Variants in LRRC4C observed in about 807,000 individuals in gnomAD.
LRRC4C encodes leucine-rich repeat-containing protein 4C.
Under a neutral mutation model 33.6 loss-of-function variants are expected in LRRC4C, and 5 were observed. That is an observed-to-expected ratio of 0.15 (90% CI 0.08 to 0.31). The LOEUF (loss-of-function observed/expected upper bound fraction) is 0.31. Among genes scored for constraint, LRRC4C ranks in the 10% least tolerant of loss-of-function variants. LRRC4C has a pLI of 1.00. For missense variants in LRRC4C, 560 were observed against 796.7 expected (o/e 0.70, Z 3.58); for synonymous variants, 329 against 302.0 (o/e 1.09, Z -0.93).
intron 2 of LRRC4C, among the ~76,000 whole-genome samples, chr11:40,721,973 A>C (rs996255692): frequency 2.6e-4 from 40 of 152,144 alleles, no homozygotes; most frequent in African/African-American, 9.7e-4. Flanking sequence ...ATAAAGATTG[A>C]AACCATGATA....
At chr11:41,420,518 C>A (rs1373956113) in intron 1 of LRRC4C, among the ~76,000 whole-genome samples, 1 of 152,012 alleles carries the variant, frequency 6.6e-6, no homozygotes, top group African/African-American at 2.4e-5. Flanking sequence ...AAGAACAAAG[C>A]ATACATTGCT....
chr11:40,765,239 A>T (rs988649550), intron 2 of LRRC4C, among the ~76,000 whole-genome samples: 9 of 152,172 alleles, frequency 5.9e-5, no homozygotes, highest in South Asian at 4.2e-4. Flanking sequence ...CATTGGTGCC[A>T]CTCTTGTAAT....
chr11:40,806,720 T>C (rs1340100345), intron 2 of LRRC4C, among the ~76,000 whole-genome samples: 1 of 152,226 alleles, frequency 6.6e-6, no homozygotes, highest in Non-Finnish European at 1.5e-5. Context: ...TATTTTGACT[T>C]AGAATATTTT....
rs114395803 is a variant in LRRC4C at position 41,058,770 on chromosome 11, C to T, written c.-495-125047G>A. ...GAAACATGCACATATATGTTCATCACATCACTATTCATAATAACAAAGACA... is the reference window on the plus strand; with the variant it reads ...GAAACATGCACATATATGTTCATCATATCACTATTCATAATAACAAAGACA... On this transcript the variant is annotated intron_variant, in intron 1 of 6. Transcript: ENST00000528697. 9.8e-3 allele frequency among the ~76,000 whole-genome samples: 1,490 copies of T among 152,282 alleles called. 24 individuals are homozygous for T. The highest frequency in any genetic ancestry group is 0.034 in the African/African-American group (1,424 of 41,552).
intron 2 of LRRC4C, among the ~76,000 whole-genome samples, chr11:40,857,207 T>C (rs1953832526): frequency 6.6e-6 from 1 of 152,182 alleles, no homozygotes. Flanking sequence ...TTTTTAAAAA[T>C]TTAATTTCAA....
Position 40,241,550 on chromosome 11 carries a change from G to A in LRRC4C, c.-127C>T, listed in dbSNP as rs1865925803. 6.6e-6 allele frequency: 1 copy of A among 152,094 alleles called. No homozygotes were observed. Among genetic ancestry groups the A allele is most frequent in the Non-Finnish European group, 1.5e-5 (1 of 68,016 alleles). 9.4% of individuals were successfully genotyped at this position (152,094 alleles called of 1,614,324 possible). A position where few individuals can be genotyped will look rare whatever the true frequency, so the allele number is the denominator to read the frequency against. ...TTCCACTGTTGTCTGTCACTGTCTA[G>A]CTGAGTAACTCTGGCCAGTCCCTTC... On this transcript the variant is annotated 5_prime_UTR_variant, in exon 5 of 7. Coordinates refer to ENST00000528697, the MANE Select transcript of LRRC4C (RefSeq NM_001258419.2).
chr11:40,388,007 C>A (rs1033104533), intron 3 of LRRC4C, among the ~76,000 whole-genome samples: 1 of 152,036 alleles, frequency 6.6e-6, no homozygotes, highest in Non-Finnish European at 1.5e-5. Flanking sequence ...TATAGAAGCT[C>A]GTAAAAATAT....
chr11:40,229,462 G>A (rs1314932109), intron 5 of LRRC4C, among the ~76,000 whole-genome samples: 2 of 151,934 alleles, frequency 1.3e-5, no homozygotes, highest in South Asian at 2.1e-4. Flanking sequence ...TAGTAGAAAC[G>A]GGGTTTTACC....
At chr11:40,601,898 A>G (rs1465578561) in intron 3 of LRRC4C, among the ~76,000 whole-genome samples, 2 of 152,120 alleles carry the variant, frequency 1.3e-5, no homozygotes, top group African/African-American at 4.8e-5. Flanking sequence ...CAAAATAAAT[A>G]TTAATAACTG....
intron 3 of LRRC4C, among the ~76,000 whole-genome samples, chr11:40,643,763 G>A (rs186048490): frequency 1.3e-5 from 2 of 152,160 alleles, no homozygotes; most frequent in East Asian, 3.9e-4. Context: ...GTAATAAAGA[G>A]CCCCTGCCCA....
intron 3 of LRRC4C, among the ~76,000 whole-genome samples, chr11:40,443,399 T>C (rs985451843): frequency 5.9e-5 from 9 of 152,214 alleles, no homozygotes; most frequent in African/African-American, 2.2e-4. Context: ...ACTTTTGAAT[T>C]ACCAAATTCC....
chr11:40,584,383 T>A (rs1440303718), intron 3 of LRRC4C, among the ~76,000 whole-genome samples: 1 of 151,398 alleles, frequency 6.6e-6, no homozygotes, highest in Non-Finnish European at 1.5e-5. Context: ...TGCCCCAAAT[T>A]GAGAATCACT....
intron 1 of LRRC4C, among the ~76,000 whole-genome samples, chr11:41,090,776 AGGCAGTTATCCCT>A (rs1411213205): frequency 6.6e-6 from 1 of 152,086 alleles, no homozygotes; most frequent in African/African-American, 2.4e-5. Flanking sequence ...GGGTTTTATA[AGGCAGTTATCCCT>A]GCTCTTACTA....
At chr11:40,234,285 G>A (rs1314409781) in intron 5 of LRRC4C, among the ~76,000 whole-genome samples, 1 of 152,152 alleles carries the variant, frequency 6.6e-6, no homozygotes, top group Non-Finnish European at 1.5e-5. Flanking sequence ...GTCTTGTAAG[G>A]TACGTATTAT....
At chr11:40,206,481 A>G (rs904504566) in intron 5 of LRRC4C, among the ~76,000 whole-genome samples, 6 of 152,022 alleles carry the variant, frequency 3.9e-5, no homozygotes, top group African/African-American at 7.3e-5. Flanking sequence ...ACCTTAAATG[A>G]TCCACCTGCC....
At chr11:41,144,580 C>A (rs778058669) in intron 1 of LRRC4C, among the ~76,000 whole-genome samples, 5 of 152,114 alleles carry the variant, frequency 3.3e-5, no homozygotes, top group South Asian at 2.1e-4. Flanking sequence ...TGCTTTAATG[C>A]ATGCTCATTG....
chr11:40,128,445 C>T (rs2134764187), intron 6 of LRRC4C, among the ~76,000 whole-genome samples: 1 of 152,330 alleles, frequency 6.6e-6, no homozygotes, highest in South Asian at 2.1e-4. Context: ...ACTTGAACCT[C>T]TTAAACACAC....
At chr11:40,419,118 C>A (rs1271107047) in intron 3 of LRRC4C, among the ~76,000 whole-genome samples, 1 of 151,552 alleles carries the variant, frequency 6.6e-6, no homozygotes, top group African/African-American at 2.4e-5. Flanking sequence ...GCACTTGTAC[C>A]CTGGAACTTA....
chr11:40,303,008 A>G (rs1944851837), intron 4 of LRRC4C, among the ~76,000 whole-genome samples: 1 of 152,210 alleles, frequency 6.6e-6, no homozygotes, highest in South Asian at 2.1e-4. Context: ...TATAACAGCC[A>G]CATCAAGAAT....
Sources: gnomAD v4.1 joint callset for allele counts (sites outside exome capture counted in the v4.1 genomes callset) on GRCh38, gnomAD v4.1.1 for gene constraint, MANE v1.5 for transcripts, NCBI Gene and HGNC (gene_info 2026-07-23, HGNC 2026-07-21) for gene names.